The following ZNF277 variants were observed in gnomAD, a reference collection of about 807,000 sequenced individuals.
ZNF277 encodes nuclear receptor-interacting factor 4.
In ZNF277, 55 loss-of-function variants were observed where a neutral mutation model predicts 60.7. That is an observed-to-expected ratio of 0.91 (90% CI 0.73 to 1.13). The LOEUF (loss-of-function observed/expected upper bound fraction) is 1.13. ZNF277 is among the 50% of genes most tolerant of loss of function. The pLI is 0.00. For missense variants in ZNF277, 510 were observed against 523.0 expected (o/e 0.98, Z 0.24); for synonymous variants, 178 against 179.3 (o/e 0.99, Z 0.06).
At chr7:112,221,416 A>G (rs1484078125) in intron 1 of ZNF277, among the ~76,000 whole-genome samples, 1 of 152,140 alleles carries the variant, frequency 6.6e-6, no homozygotes, top group African/African-American at 2.4e-5. Context: ...CCCCGGTAAC[A>G]TTATCATATA....
intron 5 of ZNF277, among the ~76,000 whole-genome samples, chr7:112,324,250 T>G (rs1488345305): frequency 6.6e-6 from 1 of 152,174 alleles, no homozygotes; most frequent in African/African-American, 2.4e-5. Flanking sequence ...AAACTGTACT[T>G]TATAATAAAG....
intron 1 of ZNF277, among the ~76,000 whole-genome samples, chr7:112,208,287 A>T (rs1821626555): frequency 6.6e-6 from 1 of 152,068 alleles, no homozygotes; most frequent in Non-Finnish European, 1.5e-5. Flanking sequence ...AGGCAGGAGA[A>T]TCCCTTGAGC....
chr7:112,330,284 A>G lies in ZNF277; in HGVS notation c.801+68A>G, dbSNP rs533052894. On this transcript the variant is annotated intron_variant, in intron 7 of 11. Transcript: ENST00000361822. ...GCAAACAAAATCTTTCTGAGGACCAACTAATATTTGAATAAGCAATTATTG... is the reference window on the plus strand; with the variant it reads ...GCAAACAAAATCTTTCTGAGGACCAGCTAATATTTGAATAAGCAATTATTG... 8 of 1,518,006 alleles carry G rather than the reference A, an allele frequency of 5.3e-6. No individual in the cohort carries two copies. In the East Asian group the frequency reaches 1.6e-4, roughly 30 times the overall value. 94.0% of individuals were successfully genotyped at this position (1,518,006 alleles called of 1,614,324 possible).
chr7:112,335,174 G>GT (rs1469231749), intron 7 of ZNF277, among the ~76,000 whole-genome samples: 4 of 152,094 alleles, frequency 2.6e-5, no homozygotes, highest in Non-Finnish European at 1.5e-5. Context: ...TTTTGGTTTT[G>GT]TTTTTCCAAA....
intron 4 of ZNF277, among the ~76,000 whole-genome samples, chr7:112,297,373 G>A (rs945844934): frequency 6.6e-6 from 1 of 151,982 alleles, no homozygotes. Context: ...TTTCTTGTAA[G>A]TCTTTCTTTT....
intron 4 of ZNF277, among the ~76,000 whole-genome samples, chr7:112,306,240 A>T (rs139668494): frequency 0.019 from 2,141 of 115,028 alleles, 32 homozygotes; most frequent in South Asian, 0.043. Flanking sequence ...TTTGAGATGG[A>T]GTCTCGCTCT....
chr7:112,317,170 G>A (rs1792864022), intron 4 of ZNF277, among the ~76,000 whole-genome samples: 1 of 152,046 alleles, frequency 6.6e-6, no homozygotes, highest in Admixed American at 6.6e-5. Context: ...GGCTAGGGAA[G>A]GGATAATATT....
At chr7:112,231,511 A>C (rs1228692422) in intron 1 of ZNF277, among the ~76,000 whole-genome samples, 1 of 152,156 alleles carries the variant, frequency 6.6e-6, no homozygotes, top group South Asian at 2.1e-4. Flanking sequence ...TTTTATGAGT[A>C]GCTCCATTAT....
At chr7:112,287,240 T>C in intron 2 of ZNF277, 166 bp downstream of exon 2, 3 of 645,492 alleles carry the variant, frequency 4.6e-6, no homozygotes, top group Middle Eastern at 4.3e-4. Flanking sequence ...CTAGGATCAA[T>C]GGCATGCACC....
chr7:112,342,443 A>C, intron 11 of ZNF277, 118 bp from the exon 12 acceptor site: 1 of 846,088 alleles, frequency 1.2e-6, no homozygotes, highest in Non-Finnish European at 1.7e-6. Flanking sequence ...CCTTTGCAAA[A>C]TGCTATGAAA....
intron 1 of ZNF277, 70 bp downstream of exon 1, chr7:112,206,877 T>C (rs1821502614): frequency 6.6e-7 from 1 of 1,503,996 alleles, no homozygotes; most frequent in Admixed American, 1.8e-5. Context: ...GCAACGGACC[T>C]CTGGTCTGAC....
At chr7:112,264,149 A>C (rs1342494660) in intron 1 of ZNF277, among the ~76,000 whole-genome samples, 1 of 151,894 alleles carries the variant, frequency 6.6e-6, no homozygotes, top group Non-Finnish European at 1.5e-5. Context: ...AGGCCAGGGC[A>C]ATGGGTTTTG....
chr7:112,251,794 T>C (rs114367585), intron 1 of ZNF277, among the ~76,000 whole-genome samples: 1,906 of 152,318 alleles, frequency 0.013, 47 homozygotes, highest in African/African-American at 0.043. Context: ...TGTATTCTGT[T>C]GATTGATTCA....
intron 2 of ZNF277, among the ~76,000 whole-genome samples, chr7:112,291,173 A>C (rs1194595924): frequency 6.6e-6 from 1 of 152,202 alleles, no homozygotes; most frequent in Non-Finnish European, 1.5e-5. Flanking sequence ...TTTATTCAGT[A>C]GATAAAATTG....
chr7:112,295,942 T>G lies in ZNF277; in HGVS notation c.367T>G (p.Ser123Ala), dbSNP rs867738332. The G allele has an allele frequency of 6.2e-7, 1 of 1,611,466 alleles. No individual in the cohort carries two copies. Among genetic ancestry groups the G allele is most frequent in the South Asian group, 1.1e-5 (1 of 91,000 alleles). Residue 123 changes from serine (S) to alanine (A), a missense_variant, in exon 3 of 12, where the codon TCC becomes GCC. Physicochemically the swap from Ser to Ala is moderately conservative, Grantham distance 99. Transcript: ENST00000361822. ...TTTTTGTAGTGTAATAAGAATTAATTCCACTGCTCCATTTGGTAAGTGTAC... is the reference window on the plus strand; with the variant it reads ...TTTTTGTAGTGTAATAAGAATTAATGCCACTGCTCCATTTGGTAAGTGTAC... ...TDFCSVIRIN[S>A]TAPFEEQENY... is the part of the protein sequence containing the mutation.
Position 112,342,798 on chromosome 7 carries a change from T to A in ZNF277, c.*69T>A, listed in dbSNP as rs1793471028. ...TCATGTTTTTCTCCTATGAGACAGATATGAAAGAACAATTTAAATTTGAAC... is the reference window on the plus strand; with the variant it reads ...TCATGTTTTTCTCCTATGAGACAGAAATGAAAGAACAATTTAAATTTGAAC... On this transcript the variant is annotated 3_prime_UTR_variant, in exon 12 of 12. Coordinates refer to ENST00000361822, the MANE Select transcript of ZNF277 (RefSeq NM_021994.3). 8.1e-7 allele frequency: 1 copy of A among 1,241,970 alleles called. No individual in the cohort carries two copies. The highest frequency in any genetic ancestry group is 2.9e-5 in the Admixed American group (1 of 34,566). 76.9% of individuals were successfully genotyped at this position (1,241,970 alleles called of 1,614,324 possible).
rs139010622 is a variant in ZNF277, at chr7:112,322,236, A to C, written c.557+3963A>C. 7.3e-5 allele frequency among the ~76,000 whole-genome samples: 11 copies of C among 149,938 alleles called. No individual in the cohort carries two copies. The East Asian group carries it at 2.1e-3, about 29-fold the overall frequency. ...AAAAGTTTTCAGACATTATTTCTTT[A>C]AATGTTGTTTCTGCCCCCTTTCTCT... On this transcript the variant is annotated intron_variant, in intron 5 of 11. Transcript: ENST00000361822.
intron 4 of ZNF277, among the ~76,000 whole-genome samples, chr7:112,305,302 A>G (rs1366180885): frequency 1.3e-5 from 2 of 152,008 alleles, no homozygotes; most frequent in Non-Finnish European, 2.9e-5. Flanking sequence ...GAGCCTCTGG[A>G]ATGGTACTAC....
chr7:112,287,193 C>A, intron 2 of ZNF277, 119 bp downstream of exon 2: 1 of 974,948 alleles, frequency 1.0e-6, no homozygotes, highest in Non-Finnish European at 1.5e-6. Flanking sequence ...AGTAGTAGTT[C>A]AAGATGCCAG....
Sources: allele counts gnomAD v4.1 joint callset (sites outside exome capture counted in the v4.1 genomes callset), GRCh38; gene constraint gnomAD v4.1.1; transcripts MANE v1.5; gene names NCBI Gene and HGNC (gene_info 2026-07-23, HGNC 2026-07-21).